Variants in FAM120B observed in about 807,000 individuals in gnomAD.
The protein encoded by FAM120B is family with sequence similarity 120 member B.
FAM120B carries 83 observed loss-of-function variants against 96.3 expected under a neutral mutation model. The observed-to-expected ratio is 0.86, with a 90% CI of 0.72 to 1.03. The LOEUF (loss-of-function observed/expected upper bound fraction) is 1.03. FAM120B is among the 50% of genes least tolerant of loss of function. The probability of loss-of-function intolerance (pLI) is 0.00; values close to 1 mark genes in which losing one functional copy is unlikely to be tolerated. For missense variants in FAM120B, 1,027 were observed against 1,121.2 expected (o/e 0.92, Z 1.20); for synonymous variants, 407 against 402.7 (o/e 1.01, Z -0.13).
chr6:170,333,644 C>G (rs1010835965), intron 4 of FAM120B, among the ~76,000 whole-genome samples: 14 of 151,858 alleles, frequency 9.2e-5, no homozygotes, highest in African/African-American at 3.4e-4. Flanking sequence ...TGCCACCACA[C>G]CCAACTAATT....
At chr6:170,329,887 T>C (rs947276450) in intron 3 of FAM120B, among the ~76,000 whole-genome samples, 1 of 152,160 alleles carries the variant, frequency 6.6e-6, no homozygotes, top group Non-Finnish European at 1.5e-5. Flanking sequence ...CTGCCCCGCA[T>C]CGAAGCCCTC....
At chr6:170,404,652 A>C (rs1778740880) in intron 10 of FAM120B, 51 bp downstream of exon 10, 2 of 1,362,754 alleles carry the variant, frequency 1.5e-6, no homozygotes, top group Non-Finnish European at 2.1e-6. Flanking sequence ...TGTCTGTCTT[A>C]ATAACATAAA....
chr6:170,297,715 G>A (rs1237389419), intron 1 of FAM120B, among the ~76,000 whole-genome samples: 1 of 152,216 alleles, frequency 6.6e-6, no homozygotes, highest in Admixed American at 6.5e-5. Flanking sequence ...GCCCACATGG[G>A]CATAGGGAGG....
At chr6:170,400,557 G>A (rs1447309169) in intron 9 of FAM120B, among the ~76,000 whole-genome samples, 1 of 152,150 alleles carries the variant, frequency 6.6e-6, no homozygotes, top group Non-Finnish European at 1.5e-5. Context: ...TGGACCACTG[G>A]GCTGCTCCCT....
At chr6:170,296,792 G>C (rs1562503424) in intron 1 of FAM120B, among the ~76,000 whole-genome samples, 1 of 152,108 alleles carries the variant, frequency 6.6e-6, no homozygotes, top group Non-Finnish European at 1.5e-5. Context: ...CTCGGTACGG[G>C]CCCCCTGCGG....
intron 2 of FAM120B, among the ~76,000 whole-genome samples, chr6:170,322,772 C>T (rs1305746967): frequency 6.6e-6 from 1 of 151,970 alleles, no homozygotes; most frequent in African/African-American, 2.4e-5. Context: ...CCTTTCATAG[C>T]AATACTGGTG....
intron 5 of FAM120B, among the ~76,000 whole-genome samples, chr6:170,355,486 T>C (rs183227458): frequency 6.6e-6 from 1 of 152,188 alleles, no homozygotes; most frequent in East Asian, 1.9e-4. Flanking sequence ...AAATATTGCA[T>C]GTTCTCACTT....
chr6:170,292,322 G>A (rs1783901394), upstream of FAM120B, among the ~76,000 whole-genome samples: 1 of 152,152 alleles, frequency 6.6e-6, no homozygotes, highest in African/African-American at 2.4e-5. The surrounding 1 kb of genome is among the most constrained non-coding windows in gnomAD (Gnocchi z 6.6). Flanking sequence ...GCCCTCCTAG[G>A]CACGATGGAG....
intron 4 of FAM120B, among the ~76,000 whole-genome samples, chr6:170,331,362 T>C (rs1375668631): frequency 2.6e-5 from 4 of 152,256 alleles, no homozygotes; most frequent in Admixed American, 6.5e-5. Flanking sequence ...TTCCATGACA[T>C]GAACGTGTAA....
At chr6:170,320,924 A>G (rs948375683) in intron 2 of FAM120B, among the ~76,000 whole-genome samples, 1 of 152,222 alleles carries the variant, frequency 6.6e-6, no homozygotes, top group Non-Finnish European at 1.5e-5. Flanking sequence ...AAGAGGTAGA[A>G]TAGGACTAGA....
chr6:170,311,530 C>T (rs903486167), intron 1 of FAM120B, among the ~76,000 whole-genome samples: 1 of 152,264 alleles, frequency 6.6e-6, no homozygotes, highest in Non-Finnish European at 1.5e-5. Context: ...ATGCCTTCCT[C>T]TGGCCACACC....
chr6:170,392,761 A>C (rs960484343), intron 8 of FAM120B, among the ~76,000 whole-genome samples: 1 of 152,132 alleles, frequency 6.6e-6, no homozygotes, highest in Non-Finnish European at 1.5e-5. Flanking sequence ...GCCGCCTCAG[A>C]TGCACCCAGA....
At chr6:170,297,553 T>C (rs1202594544) in intron 1 of FAM120B, among the ~76,000 whole-genome samples, 1 of 152,166 alleles carries the variant, frequency 6.6e-6, no homozygotes, top group Non-Finnish European at 1.5e-5. Context: ...CCCAAAGCCT[T>C]CCCTCCAGCC....
upstream of FAM120B, among the ~76,000 whole-genome samples, chr6:170,291,368 CG>C (rs1166214939): frequency 1.3e-5 from 2 of 151,576 alleles, no homozygotes; most frequent in Non-Finnish European, 3.0e-5. Flanking sequence ...TCCGAAACTC[CG>C]GGCCGCGGCG....
intron 4 of FAM120B, among the ~76,000 whole-genome samples, chr6:170,340,340 C>T (rs973469355): frequency 3.9e-5 from 6 of 152,168 alleles, no homozygotes; most frequent in South Asian, 2.1e-4. Context: ...TCAGCTCCAT[C>T]GGGTTATTTA....
intron 6 of FAM120B, among the ~76,000 whole-genome samples, chr6:170,367,493 A>G (rs1375640330): frequency 6.6e-6 from 1 of 152,274 alleles, no homozygotes; most frequent in Non-Finnish European, 1.5e-5. Context: ...TGCGAGAGAC[A>G]TCATATGGCC....
chr6:170,372,303 G>T (rs1789244359), intron 6 of FAM120B, among the ~76,000 whole-genome samples: 1 of 151,776 alleles, frequency 6.6e-6, no homozygotes, highest in Non-Finnish European at 1.5e-5. Flanking sequence ...TTATATTAAT[G>T]TTAAAAGAGT....
rs200811562 is a variant in FAM120B, at chr6:170,318,649, A to G, written c.1259A>G (p.Glu420Gly). The change falls in exon 2 of 11, where the codon GAA becomes GGA. Residue 420 changes from glutamate (E) to glycine (G), a missense_variant. Physicochemically the swap from Glu to Gly is moderately conservative, Grantham distance 98 (BLOSUM62 -2). This residue lies in a region of FAM120B where 880 missense variants were observed against 980.9 expected (regional missense o/e 0.90). Coordinates refer to ENST00000476287, the MANE Select transcript of FAM120B (RefSeq NM_032448.3). ...GAAGTTCCCATGTGTACAGGCCCTG[A>G]AGCCAGGCAAGAAGTTCCCATGTAT... ...RQEVPMCTGP[E>G]ARQEVPMYTD... 4.5e-5 allele frequency: 71 copies of G among 1,590,022 alleles called. No individual in the cohort carries two copies. The East Asian group carries it at 1.7e-3, about 37-fold the overall frequency.
At chr6:170,393,165 A>AT (rs34513073) in intron 8 of FAM120B, among the ~76,000 whole-genome samples, 1 of 151,378 alleles carries the variant, frequency 6.6e-6, no homozygotes. Flanking sequence ...AAAAAAAAAA[A>AT]AGTCTGCACT....
Sources: gnomAD v4.1 joint callset for allele counts (sites outside exome capture counted in the v4.1 genomes callset) on GRCh38, gnomAD v4.1.1 for gene constraint, gnomAD v4.1.1 regional missense constraint, Gnocchi (gnomAD v3.1) non-coding constraint, MANE v1.5 for transcripts, NCBI Gene and HGNC (gene_info 2026-07-23, HGNC 2026-07-21) for gene names.